SOX5: variants seen among roughly 807,000 people sequenced by gnomAD.
SOX5 encodes transcription factor SOX-5.
SOX5 carries 9 observed loss-of-function variants against 92.0 expected under a neutral mutation model. The ratio of observed to expected loss-of-function variants is 0.10; its 90% CI spans 0.06 to 0.17. SOX5 has a LOEUF of 0.17. Ranked by LOEUF, SOX5 falls within the 10% of genes least tolerant of loss-of-function variation. The pLI, the probability that SOX5 is intolerant of heterozygous loss-of-function variation, is 1.00. For synonymous variants in SOX5, 344 were observed against 336.3 expected, an observed-to-expected ratio of 1.02 and a Z score of -0.25; for missense variants, 642 against 944.5, an observed-to-expected ratio of 0.68 and a Z score of 4.20.
At chr12:23,878,009 GTTAAATAC>G (rs1414535110) in intron 2 of SOX5, among the ~76,000 whole-genome samples, 1 of 151,856 alleles carries the variant, frequency 6.6e-6, no homozygotes, top group African/African-American at 2.4e-5. Context: ...TGCTTCTAAA[GTTAAATAC>G]TTAATTCTTT....
chr12:23,901,739 T>A (rs1298286902), intron 1 of SOX5, among the ~76,000 whole-genome samples: 1 of 152,206 alleles, frequency 6.6e-6, no homozygotes, highest in Non-Finnish European at 1.5e-5. Flanking sequence ...TGTTCACAGC[T>A]ACTTGCCCAG....
intron 2 of SOX5, among the ~76,000 whole-genome samples, chr12:24,332,645 T>C (rs915216789): frequency 2.0e-5 from 3 of 151,818 alleles, no homozygotes; most frequent in East Asian, 1.9e-4. Context: ...AGGCAGAAAG[T>C]ATACAGGGAA....
intron 6 of SOX5, among the ~76,000 whole-genome samples, chr12:23,680,021 G>A (rs959408759): frequency 6.6e-6 from 1 of 151,860 alleles, no homozygotes; most frequent in African/African-American, 2.4e-5. Context: ...AAAGAACTTT[G>A]AGAAATGAAA....
intron 6 of SOX5, among the ~76,000 whole-genome samples, chr12:23,703,782 C>T (rs906787801): frequency 6.6e-6 from 1 of 150,768 alleles, no homozygotes; most frequent in Non-Finnish European, 1.5e-5. Flanking sequence ...AGAAATACAT[C>T]AAAAAAGTTT....
intron 3 of SOX5, chr12:24,230,623 T>A (rs918171804): frequency 1.3e-5 from 2 of 152,102 alleles, no homozygotes; most frequent in African/African-American, 4.8e-5. Flanking sequence ...GAGGTTGGAA[T>A]GAAAGAAAAT....
intron 1 of SOX5, among the ~76,000 whole-genome samples, chr12:23,911,778 T>A (rs1045382960): frequency 6.6e-6 from 1 of 152,068 alleles, no homozygotes; most frequent in African/African-American, 2.4e-5. Flanking sequence ...CATGTATTAT[T>A]TCTGGTCACC....
At chr12:23,820,098 T>C (rs7314158) in intron 3 of SOX5, among the ~76,000 whole-genome samples, 17,057 of 152,208 alleles carry the variant, frequency 0.11, 1,113 homozygotes, top group East Asian at 0.21. Flanking sequence ...ATCTGTTGTT[T>C]CCTGACTTTT....
chr12:24,479,540 G>A (rs1218560364), intron 1 of SOX5, among the ~76,000 whole-genome samples: 6 of 152,038 alleles, frequency 3.9e-5, no homozygotes, highest in African/African-American at 1.5e-4. Context: ...TATGTGGAAT[G>A]TTTCTCCAAA....
intron 2 of SOX5, among the ~76,000 whole-genome samples, chr12:24,344,667 C>G (rs539581962): frequency 6.6e-6 from 1 of 152,264 alleles, no homozygotes; most frequent in Non-Finnish European, 1.5e-5. Context: ...AATTTGCCAG[C>G]TGAAAGGGAT....
chr12:23,925,124 A>T (rs1322412786), intron 1 of SOX5, among the ~76,000 whole-genome samples: 1 of 152,148 alleles, frequency 6.6e-6, no homozygotes, highest in African/African-American at 2.4e-5. Context: ...ATCCTAGCAA[A>T]ATAATATTTT....
At chr12:23,678,263 A>C (rs1049393872) in intron 6 of SOX5, among the ~76,000 whole-genome samples, 1 of 152,158 alleles carries the variant, frequency 6.6e-6, no homozygotes, top group Non-Finnish European at 1.5e-5. Flanking sequence ...CCAATAATAA[A>C]GAATAGCACA....
intron 4 of SOX5, among the ~76,000 whole-genome samples, chr12:24,125,680 C>T (rs1447966513): frequency 1.3e-5 from 2 of 152,096 alleles, no homozygotes; most frequent in African/African-American, 2.4e-5. Flanking sequence ...ACACTTTAAC[C>T]TCTCCATTTC....
At chr12:24,134,074 T>C (rs1949901113) in intron 4 of SOX5, among the ~76,000 whole-genome samples, 1 of 152,198 alleles carries the variant, frequency 6.6e-6, no homozygotes, top group Admixed American at 6.5e-5. Context: ...TAATTTTTTT[T>C]TTTAAATTGT....
intron 3 of SOX5, among the ~76,000 whole-genome samples, chr12:23,767,333 C>T (rs1408167877): frequency 6.6e-6 from 1 of 152,030 alleles, no homozygotes; most frequent in African/African-American, 2.4e-5. Context: ...AGAGAAACTC[C>T]TGAGGTGTCA....
chr12:23,889,236 T>A (rs564568979), intron 2 of SOX5, among the ~76,000 whole-genome samples: 1 of 152,302 alleles, frequency 6.6e-6, no homozygotes, highest in East Asian at 1.9e-4. Flanking sequence ...CACAATAACT[T>A]ATGCTAAGTT....
chr12:24,106,524 C>T (rs1472505023), intron 4 of SOX5, among the ~76,000 whole-genome samples: 1 of 152,114 alleles, frequency 6.6e-6, no homozygotes, highest in East Asian at 1.9e-4. Flanking sequence ...GGCGTGGTGA[C>T]TCATGTCTGT....
intron 9 of SOX5, among the ~76,000 whole-genome samples, chr12:23,576,295 T>C (rs1429595828): frequency 6.6e-6 from 1 of 152,152 alleles, no homozygotes; most frequent in Non-Finnish European, 1.5e-5. Context: ...CCACAGATAG[T>C]TGTGTGCCTC....
At chr12:23,556,452 T>C (rs1203369392) in intron 11 of SOX5, among the ~76,000 whole-genome samples, 1 of 152,200 alleles carries the variant, frequency 6.6e-6, no homozygotes, top group Non-Finnish European at 1.5e-5. Flanking sequence ...TAATCACTTG[T>C]GTTATTTTAA....
chr12:23,994,709 G>A (rs1569439919), intron 4 of SOX5, among the ~76,000 whole-genome samples: 1 of 152,018 alleles, frequency 6.6e-6, no homozygotes, highest in Non-Finnish European at 1.5e-5. Flanking sequence ...TCTAAATTAA[G>A]AAAATAATAA....
Sources: gnomAD v4.1 joint callset for allele counts (sites outside exome capture counted in the v4.1 genomes callset) on GRCh38, gnomAD v4.1.1 for gene constraint, MANE v1.5 for transcripts, NCBI Gene and HGNC (gene_info 2026-07-23, HGNC 2026-07-21) for gene names.